The following TCHP variants were observed in gnomAD, a reference collection of about 807,000 sequenced individuals.
TCHP encodes the protein trichoplein keratin filament-binding protein.
Under a neutral mutation model 88.7 loss-of-function variants are expected in TCHP, and 81 were observed. That is an observed-to-expected ratio of 0.91 (90% CI 0.76 to 1.10). TCHP has a LOEUF of 1.10. Among genes scored for constraint, TCHP ranks in the 50% least tolerant of loss-of-function variants. TCHP has a pLI of 0.00. For synonymous variants in TCHP, 232 were observed against 232.5 expected (o/e 1.00, Z 0.02); for missense variants, 641 against 632.1 (o/e 1.01, Z -0.15).
the TCHP span, among the ~76,000 whole-genome samples, chr12:109,884,716 G>C: frequency 6.6e-6 from 1 of 151,618 alleles, no homozygotes; most frequent in African/African-American, 2.4e-5. Context: ...TTTTTTCTTT[G>C]ACACAATCTC....
In TCHP at chr12:109,908,896, G is replaced by A. The variant is rs773364795; in HGVS notation, c.838G>A (p.Ala280Thr). ...GCGTTTCTTGAGACATCAGTATAACGCTCAACTCAGCAGACGCACACAGCA... is the reference window on the plus strand; with the variant it reads ...GCGTTTCTTGAGACATCAGTATAACACTCAACTCAGCAGACGCACACAGCA... ...LGRFLRHQYN[A>T]QLSRRTQQIQ... The change falls in exon 8 of 13, where the codon GCT (alanine) becomes ACT (threonine). Residue 280 changes from alanine (A) to threonine (T), a missense_variant. Coordinates refer to ENST00000405876, the MANE Select transcript of TCHP (RefSeq NM_001143852.2). 5.0e-6 allele frequency: 8 copies of A among 1,614,084 alleles called. No individual in the cohort carries two copies. The highest frequency in any genetic ancestry group is 3.3e-5 in the South Asian group (3 of 91,082).
intron 3 of TCHP, among the ~76,000 whole-genome samples, 153 bp downstream of exon 3, chr12:109,904,300 G>A (rs921060047): frequency 2.0e-5 from 3 of 152,228 alleles, no homozygotes; most frequent in African/African-American, 7.2e-5. Flanking sequence ...CCTTGTGCAG[G>A]GACTGGGTTT....
At chr12:109,893,758 G>A in the TCHP span, among the ~76,000 whole-genome samples, 1 of 152,210 alleles carries the variant, frequency 6.6e-6, no homozygotes. Context: ...AACAAAAATA[G>A]CAGAAGCAGT....
intron 9 of TCHP, among the ~76,000 whole-genome samples, chr12:109,912,321 TCCGTCCAGG>T (rs1870550632): frequency 6.6e-6 from 1 of 152,144 alleles, no homozygotes; most frequent in African/African-American, 2.4e-5. Context: ...AAGAGGTCAC[TCCGTCCAGG>T]GTGAGCTATC....
intron 5 of TCHP, among the ~76,000 whole-genome samples, chr12:109,907,148 A>G (rs993845792): frequency 1.3e-5 from 2 of 152,220 alleles, no homozygotes; most frequent in Non-Finnish European, 2.9e-5. Context: ...TCGGCCTCCC[A>G]AAGTGCTGGG....
At chr12:109,897,460 C>T (rs996446757), upstream of TCHP, among the ~76,000 whole-genome samples, 6 of 152,184 alleles carry the variant, frequency 3.9e-5, no homozygotes, top group African/African-American at 1.4e-4. Context: ...AACTGAGGCC[C>T]AGAGAGTGGA....
rs766049427 is a variant in TCHP, at chr12:109,914,553, A to G, written c.1246A>G (p.Arg416Gly). 3 of 1,614,090 alleles carry G rather than the reference A, an allele frequency of 1.9e-6. No homozygotes were observed. The Admixed American group carries it at 5.0e-5, about 27-fold the overall frequency. ...ACTTATTCGAAATCTTGAGGAGGTG[A>G]GAGAGTTGGCTCGTCGCGAGAAAGA... ...EQLIRNLEEVRELARREKEES... is the reference protein window; with the variant it reads ...EQLIRNLEEVGELARREKEES... Residue 416 changes from arginine (R) to glycine (G), a missense_variant, in exon 11 of 13, where the codon AGA becomes GGA. By Grantham distance (125) the Arg-to-Gly change is moderately radical. Transcript: ENST00000405876.
chr12:109,906,609 C>T lies in TCHP; in HGVS notation c.494C>T (p.Ser165Phe), dbSNP rs754492639. The T allele has an allele frequency of 3.1e-5, 50 of 1,611,692 alleles. No individual in the cohort carries two copies. The highest frequency in any genetic ancestry group is 3.9e-5 in the Non-Finnish European group (46 of 1,179,956). ...CTTCACCAGAAGCATGTCGTAAACT[C>T]TTGGGAAATGCAGAAAGAAGAAAAA... ...LDLHQKHVVN[S>F]WEMQKEEKKQ... The change falls in exon 5 of 13, where the codon TCT (serine) becomes TTT (phenylalanine). Residue 165 changes from serine to phenylalanine, a missense_variant. By Grantham distance (155) the Ser-to-Phe change is radical. Coordinates refer to ENST00000405876, the MANE Select transcript of TCHP (RefSeq NM_001143852.2).
intron 9 of TCHP, among the ~76,000 whole-genome samples, chr12:109,912,695 G>A (rs1192929687): frequency 6.6e-6 from 1 of 152,100 alleles, no homozygotes; most frequent in Non-Finnish European, 1.5e-5. Context: ...GGAGACTGAG[G>A]TACTAGAATC....
At chr12:109,888,927 G>A in the TCHP span, among the ~76,000 whole-genome samples, 1 of 152,052 alleles carries the variant, frequency 6.6e-6, no homozygotes, top group Non-Finnish European at 1.5e-5. Context: ...TGGGCACGGT[G>A]GTACGTGCCT....
intron 9 of TCHP, among the ~76,000 whole-genome samples, chr12:109,911,509 AG>A (rs1246917297): frequency 1.4e-5 from 2 of 147,454 alleles, no homozygotes; most frequent in Non-Finnish European, 3.0e-5. Context: ...ACTACTCGGG[AG>A]GCTAAGTGGG....
chr12:109,886,871 G>C, the TCHP span, among the ~76,000 whole-genome samples: 1 of 151,836 alleles, frequency 6.6e-6, no homozygotes, highest in South Asian at 2.1e-4. Flanking sequence ...GCCACGCCCG[G>C]CTAATTTTTG....
At chr12:109,912,703 A>G (rs1870572688) in intron 9 of TCHP, among the ~76,000 whole-genome samples, 1 of 152,140 alleles carries the variant, frequency 6.6e-6, no homozygotes, top group South Asian at 2.1e-4. Flanking sequence ...AGGTACTAGA[A>G]TCGATTGAAC....
chr12:109,892,224 A>G, the TCHP span, among the ~76,000 whole-genome samples: 1 of 152,170 alleles, frequency 6.6e-6, no homozygotes, highest in South Asian at 2.1e-4. Context: ...AATGAAAGCT[A>G]TGGAAGAAAA....
chr12:109,912,165 A>G (rs1386272176), intron 9 of TCHP, among the ~76,000 whole-genome samples: 3 of 151,684 alleles, frequency 2.0e-5, no homozygotes, highest in Non-Finnish European at 4.4e-5. Context: ...CTAAAGACTA[A>G]ACTAGTAGAT....
At chr12:109,890,772 C>T in the TCHP span, among the ~76,000 whole-genome samples, 6 of 152,104 alleles carry the variant, frequency 3.9e-5, no homozygotes, top group East Asian at 3.9e-4. Context: ...GGCCTCCTAA[C>T]GTGCTGTGAT....
upstream of TCHP, among the ~76,000 whole-genome samples, chr12:109,899,615 C>G (rs890859499): frequency 2.0e-5 from 3 of 151,986 alleles, no homozygotes; most frequent in African/African-American, 7.2e-5. Flanking sequence ...TCCAGCCTGG[C>G]GACAGAGCAA....
At chr12:109,889,737 G>C in the TCHP span, among the ~76,000 whole-genome samples, 1 of 152,190 alleles carries the variant, frequency 6.6e-6, no homozygotes, top group Non-Finnish European at 1.5e-5. Flanking sequence ...TGAATGGTGT[G>C]GCTATTATGA....
intron 4 of TCHP, 76 bp downstream of exon 4, chr12:109,904,869 G>C: frequency 7.3e-7 from 1 of 1,371,030 alleles, no homozygotes; most frequent in Non-Finnish European, 1.0e-6. Flanking sequence ...TTTTGAACAC[G>C]TATCTTGTAC....
Sources: allele counts gnomAD v4.1 joint callset (sites outside exome capture counted in the v4.1 genomes callset), GRCh38; gene constraint gnomAD v4.1.1; transcripts MANE v1.5; gene names NCBI Gene and HGNC (gene_info 2026-07-23, HGNC 2026-07-21).